MORC3: variants seen among roughly 807,000 people sequenced by gnomAD.
The protein encoded by MORC3 is MORC family CW-type zinc finger protein 3.
MORC3 carries 31 observed loss-of-function variants against 109.1 expected under a neutral mutation model. That is an observed-to-expected ratio of 0.28 (90% confidence interval 0.21 to 0.38). The LOEUF (loss-of-function observed/expected upper bound fraction) is 0.38, where lower values mean the gene tolerates loss of function less well. Ranked by LOEUF, MORC3 falls within the 10% of genes least tolerant of loss-of-function variation. The pLI, the probability that MORC3 is intolerant of heterozygous loss-of-function variation, is 1.00. For missense variants in MORC3, 867 were observed against 1,135.8 expected, an observed-to-expected ratio of 0.76 and a Z score of 3.40; for synonymous variants, 395 against 380.7, an observed-to-expected ratio of 1.04 and a Z score of -0.44.
Position 36,341,456 on chromosome 21 carries a change from C to T in MORC3, c.666C>T (p.Pro222=), listed in dbSNP as rs377406654. The T allele has an allele frequency of 5.7e-5, 92 of 1,613,148 alleles. No individual in the cohort carries two copies. The highest frequency in any genetic ancestry group is 1.6e-4 in the East Asian group (7 of 44,850). The part of the protein sequence containing the change: ...FEKDKYDIRI[P]EDLDEITGKK... ...AGGATAAATATGATATCAGAATTCC[C>T]GAGGATTTAGATGAGATAACAGGGA... is the stretch of plus-strand genomic sequence containing the variant. The change falls in exon 6 of 17, where the codon CCC becomes CCT. Residue 222 remains proline (P), a synonymous_variant. Coordinates refer to ENST00000400485, the MANE Select transcript of MORC3 (RefSeq NM_015358.3).
At chr21:36,361,489 G>A (rs1015156624) in intron 12 of MORC3, among the ~76,000 whole-genome samples, 9 of 134,454 alleles carry the variant, frequency 6.7e-5, no homozygotes, top group African/African-American at 2.5e-4. Context: ...ATTGTAGTGA[G>A]CCGAGCACAC....
chr21:36,334,573 G>T (rs1892907), intron 2 of MORC3, among the ~76,000 whole-genome samples: 111,134 of 152,096 alleles, frequency 0.73, 41,698 homozygotes, highest in East Asian at 1. Context: ...TATCTGGGAT[G>T]ACAAGTGTGC....
chr21:36,353,154 C>A lies in MORC3; in HGVS notation c.1104-3466C>A, dbSNP rs548747788. On this transcript the variant is annotated intron_variant, in intron 9 of 16. Transcript: ENST00000400485. The stretch of plus-strand genomic sequence containing the variant: ...TGGGCGGATCACGAGGTCAGGAGAT[C>A]GAGACCATCCTGGCTAACATGGTGA... Among the ~76,000 whole-genome samples, 5 of 150,414 alleles carry A rather than the reference C, an allele frequency of 3.3e-5. No individual in the cohort carries two copies. The East Asian group carries it at 5.9e-4, about 18-fold the overall frequency.
chr21:36,322,074 CAT>C (rs2146280980), intron 1 of MORC3, among the ~76,000 whole-genome samples: 1 of 152,294 alleles, frequency 6.6e-6, no homozygotes, highest in African/African-American at 2.4e-5. Context: ...TGGCAAACTA[CAT>C]ACAGCTCATG....
At chr21:36,324,001 G>A (rs949980568) in intron 1 of MORC3, among the ~76,000 whole-genome samples, 3 of 151,494 alleles carry the variant, frequency 2.0e-5, no homozygotes, top group Middle Eastern at 3.2e-3. Flanking sequence ...TCAGCCTCCC[G>A]AGTAGCTGGG....
Position 36,360,051 on chromosome 21 carries a change from C to T in MORC3, c.1305C>T (p.Cys435=). The change falls in exon 11 of 17, where the codon TGC becomes TGT. Residue 435 remains cysteine (C), a synonymous_variant. Transcript: ENST00000400485. ...GMDQLPEKWY[C]SNNPDPQFRN... is the part of the protein sequence containing the mutation. ...ATCAACTTCCTGAAAAATGGTATTG[C>T]TCCAATAACCCTGACCCACAGTTCA... 1 of 1,614,156 alleles carries T rather than the reference C, an allele frequency of 6.2e-7. No individual in the cohort carries two copies. Among genetic ancestry groups the T allele is most frequent in the Non-Finnish European group, 8.5e-7 (1 of 1,180,032 alleles).
intron 9 of MORC3, among the ~76,000 whole-genome samples, chr21:36,350,562 A>T (rs1310755268): frequency 2.2e-5 from 3 of 138,872 alleles, no homozygotes; most frequent in South Asian, 2.4e-4. Context: ...AAAAAAAAAA[A>T]TTTCGGTTCT....
intron 2 of MORC3, among the ~76,000 whole-genome samples, chr21:36,334,171 C>T (rs978670344): frequency 1.6e-4 from 24 of 151,984 alleles, no homozygotes; most frequent in African/African-American, 2.2e-4. Flanking sequence ...GGGAGGATCA[C>T]GTGAGACCGG....
At chr21:36,351,477 T>C (rs1472832055) in intron 9 of MORC3, among the ~76,000 whole-genome samples, 1 of 152,176 alleles carries the variant, frequency 6.6e-6, no homozygotes, top group African/African-American at 2.4e-5. Context: ...ACCTGTCCCA[T>C]GTCCTGAGGG....
At position 36,344,662 on chromosome 21, in the gene MORC3, G is replaced by C; in HGVS notation, c.840G>C (p.Lys280Asn). ...AAGTGAAGACACAGCTGGTTTCGAA[G>C]AGTCTTGCCTACATCGAACGTGATG... ...GQKVKTQLVS[K>N]SLAYIERDVY... is the part of the protein sequence containing the mutation. Residue 280 changes from lysine (K) to asparagine (N), a missense_variant, in exon 7 of 17, where the codon AAG (lysine) becomes AAC (asparagine). Lys to Asn is a moderately conservative substitution (Grantham distance 94). This residue lies in a region of MORC3 where 120 missense variants were observed against 259.7 expected (regional missense o/e 0.46). Transcript: ENST00000400485. 1 of 1,614,138 alleles carries C rather than the reference G, an allele frequency of 6.2e-7. No homozygotes were observed. The highest frequency in any genetic ancestry group is 8.5e-7 in the Non-Finnish European group (1 of 1,180,012).
At chr21:36,347,001 G>A (rs1209865199) in intron 8 of MORC3, among the ~76,000 whole-genome samples, 1 of 134,600 alleles carries the variant, frequency 7.4e-6, no homozygotes, top group Non-Finnish European at 1.5e-5. Context: ...GTGAGACCCT[G>A]TCTCTTAAAA....
At chr21:36,357,042 A>G (rs2085652976) in intron 10 of MORC3, among the ~76,000 whole-genome samples, 1 of 152,256 alleles carries the variant, frequency 6.6e-6, no homozygotes, top group Non-Finnish European at 1.5e-5. Flanking sequence ...CTGAAACCCA[A>G]CTTGAGTTCA....
chr21:36,358,585 T>G (rs547749177), intron 10 of MORC3, among the ~76,000 whole-genome samples: 1 of 151,730 alleles, frequency 6.6e-6, no homozygotes, highest in East Asian at 1.9e-4. Flanking sequence ...GTGAGACCTA[T>G]CTCTTAAAAA....
intron 9 of MORC3, among the ~76,000 whole-genome samples, chr21:36,352,382 G>A (rs1226311148): frequency 9.9e-6 from 1 of 101,518 alleles, no homozygotes; most frequent in Admixed American, 1.2e-4. Context: ...AATGTAATAA[G>A]GCCAAAAAAA....
intron 16 of MORC3, among the ~76,000 whole-genome samples, chr21:36,374,930 C>T (rs2085913135): frequency 6.6e-6 from 1 of 152,192 alleles, no homozygotes; most frequent in African/African-American, 2.4e-5. Context: ...CTCGGCTTCA[C>T]AAATGCTGGG....
rs1185925251 is a variant in MORC3, at chr21:36,369,126, C to A, written c.1758C>A (p.Pro586=). The A allele has an allele frequency of 6.2e-7, 1 of 1,613,896 alleles. No homozygotes were observed. Among genetic ancestry groups the A allele is most frequent in the Non-Finnish European group, 8.5e-7 (1 of 1,180,002 alleles). The change falls in exon 15 of 17, where the codon CCC becomes CCA. Residue 586 remains proline, a synonymous_variant. Coordinates refer to ENST00000400485, the MANE Select transcript of MORC3 (RefSeq NM_015358.3). The stretch of plus-strand genomic sequence containing the variant: ...TCATCTTAGAAGAAAACAGTACCCC[C>A]AAACCTGCAGTAGATCATGATATTG... ...DVIILEENST[P]KPAVDHDIDM...
intron 13 of MORC3, 32 bp downstream of exon 13, chr21:36,362,260 T>A (rs968346130): frequency 5.5e-5 from 79 of 1,436,472 alleles, no homozygotes; most frequent in African/African-American, 1.0e-4. Flanking sequence ...TTTTTTTTTT[T>A]AAATAGAGAT....
rs1481816503 is a variant in MORC3 at position 36,346,992 on chromosome 21, T to C, written c.1005+1961T>C. On this transcript the variant is annotated intron_variant, in intron 8 of 16. Transcript: ENST00000400485. ...CTGTACTCCAGCCTGGGCAACAGAGTGAGACCCTGTCTCTTAAAAAAAAAA... is the reference window on the plus strand; with the variant it reads ...CTGTACTCCAGCCTGGGCAACAGAGCGAGACCCTGTCTCTTAAAAAAAAAA... 5.0e-5 allele frequency among the ~76,000 whole-genome samples: 7 copies of C among 139,864 alleles called. 1 individual carries two copies. In the Admixed American group the frequency reaches 5.2e-4, roughly 10 times the overall value. 91.8% of individuals were successfully genotyped at this position (139,864 alleles called of 152,430 possible).
Position 36,375,238 on chromosome 21 carries a change from T to C in MORC3, c.2762T>C (p.Val921Ala), listed in dbSNP as rs1342103877. The change falls in exon 17 of 17, where the codon GTA (valine) becomes GCA (alanine). Residue 921 changes from valine to alanine, a missense_variant. Around this residue, in one of 7 missense-constraint regions of MORC3, gnomAD observed 34 missense variants for 35.2 expected, o/e 0.97. Coordinates refer to ENST00000400485, the MANE Select transcript of MORC3 (RefSeq NM_015358.3). The part of the protein sequence containing the change: ...DLQQVNYDVD[V>A]VDEILGQVVE... ...CAGCAAGTGAATTACGATGTTGATGTAGTTGATGAGATTTTAGGACAAGTT... is the reference window on the plus strand; with the variant it reads ...CAGCAAGTGAATTACGATGTTGATGCAGTTGATGAGATTTTAGGACAAGTT... 1.2e-6 allele frequency: 2 copies of C among 1,613,708 alleles called. No homozygotes were observed. Among genetic ancestry groups the C allele is most frequent in the Non-Finnish European group, 1.7e-6 (2 of 1,179,750 alleles).
Sources: allele counts gnomAD v4.1 joint callset (sites outside exome capture counted in the v4.1 genomes callset), GRCh38; gene constraint gnomAD v4.1.1; regional missense constraint gnomAD v4.1.1; transcripts MANE v1.5; gene names NCBI Gene and HGNC (gene_info 2026-07-23, HGNC 2026-07-21).